Variants in SI observed in about 807,000 individuals in gnomAD.
SI encodes the protein sucrase-isomaltase, also known as sucrase-isomaltase, intestinal.
Under a neutral mutation model 253.3 loss-of-function variants are expected in SI, and 235 were observed. The ratio of observed to expected loss-of-function variants is 0.93; its 90% confidence interval spans 0.83 to 1.03. The LOEUF is 1.03. SI is among the 50% of genes least tolerant of loss of function. The probability of loss-of-function intolerance (pLI) is 0.00; values close to 1 mark genes in which losing one functional copy is unlikely to be tolerated. For synonymous variants in SI, 819 were observed against 712.0 expected (o/e 1.15, Z -2.39); for missense variants, 2,442 against 2,211.1 (o/e 1.10, Z -2.09).
chr3:165,046,074 A>G (rs1713096336), intron 16 of SI, among the ~76,000 whole-genome samples: 1 of 151,698 alleles, frequency 6.6e-6, no homozygotes. Context: ...CAAGTGATCC[A>G]CCTACCTCGG....
intron 17 of SI, 139 bp downstream of exon 17, chr3:165,042,920 G>A: frequency 1.4e-6 from 1 of 694,182 alleles, no homozygotes; most frequent in Non-Finnish European, 2.6e-6. Flanking sequence ...TATAGGACTT[G>A]AGAGAGGGAC....
At chr3:164,982,743 G>C (rs111642831) in intron 46 of SI, among the ~76,000 whole-genome samples, 10 of 151,992 alleles carry the variant, frequency 6.6e-5, no homozygotes, top group Admixed American at 4.6e-4. Flanking sequence ...CTGCCATCTC[G>C]AACTCCTAGA....
chr3:165,082,689 C>T (rs560481802), upstream of SI, among the ~76,000 whole-genome samples: 9 of 152,050 alleles, frequency 5.9e-5, no homozygotes, highest in Non-Finnish European at 8.8e-5. Flanking sequence ...CAGGACAATG[C>T]TTTCCTTGCC....
At chr3:165,027,591 A>G (rs1230685249) in intron 25 of SI, among the ~76,000 whole-genome samples, 1 of 151,448 alleles carries the variant, frequency 6.6e-6, no homozygotes, top group Non-Finnish European at 1.5e-5. Flanking sequence ...ATTCAACAAC[A>G]TATCAAAAAG....
chr3:164,998,528 A>G lies in SI; in HGVS notation c.4540+12T>C. 6.2e-7 allele frequency: 1 copy of G among 1,611,374 alleles called. No individual in the cohort carries two copies. Among genetic ancestry groups the G allele is most frequent in the South Asian group, 1.1e-5 (1 of 91,050 alleles). ...ACACAAAATAATAATAAAGATGGTG[A>G]CTTTCACTTACCAATGATTGATTTG... On this transcript the variant is annotated intron_variant, in intron 38 of 47. Transcript: ENST00000264382.
At chr3:165,090,171 G>C in the SI span, among the ~76,000 whole-genome samples, 1 of 150,754 alleles carries the variant, frequency 6.6e-6, no homozygotes, top group African/African-American at 2.4e-5. Context: ...GAGAGAGAGA[G>C]AGAGAGAGAA....
At chr3:164,988,041 A>G (rs2108118581) in intron 44 of SI, among the ~76,000 whole-genome samples, 1 of 152,334 alleles carries the variant, frequency 6.6e-6, no homozygotes, top group African/African-American at 2.4e-5. Context: ...ATACCTTTCA[A>G]GCATGTTCCT....
chr3:165,003,899 TAAACAAC>T (rs1199887431), intron 37 of SI, among the ~76,000 whole-genome samples: 2 of 151,818 alleles, frequency 1.3e-5, no homozygotes, highest in Admixed American at 1.3e-4. Context: ...AGAAGACCAT[TAAACAAC>T]TAGAAAACAA....
At position 165,074,592 on chromosome 3, in the gene SI, T is replaced by C. The variant is rs2108114443; in HGVS notation, c.194A>G (p.Asn65Ser). The C allele has an allele frequency of 1.2e-6, 2 of 1,610,400 alleles. No homozygotes were observed. Among genetic ancestry groups the C allele is most frequent in the Non-Finnish European group, 1.7e-6 (2 of 1,177,506 alleles). The change falls in exon 3 of 48, where the codon AAT (asparagine) becomes AGT (serine). Residue 65 changes from asparagine to serine, a missense_variant. Coordinates refer to ENST00000264382, the MANE Select transcript of SI (RefSeq NM_001041.4). ...CACATTGACAGGATCATTTAACACATTTGGACATTTTCCTGAATCAGAAGG... is the reference window on the plus strand; with the variant it reads ...CACATTGACAGGATCATTTAACACACTTGGACATTTTCCTGAATCAGAAGG... ...TNPSDSGKCP[N>S]VLNDPVNVRI... is the part of the protein sequence containing the mutation.
rs1712193715 is a variant in SI at position 165,030,866 on chromosome 3, A to G, written c.2738T>C (p.Val913Ala). 2 of 1,384,008 alleles carry G rather than the reference A, an allele frequency of 1.4e-6. No homozygotes were observed. Among genetic ancestry groups the G allele is most frequent in the Non-Finnish European group, 1.9e-6 (2 of 1,029,926 alleles). The allele number at this position is 1,384,008 out of a possible 1,614,324, so 85.7% of individuals were successfully genotyped here. ...SNFTYDASNQVLLIADLKLNL... is the reference protein window; with the variant it reads ...SNFTYDASNQALLIADLKLNL... ...AAGTTTGAGATCTGCAATTAGGAGA[A>G]CCTTTGAAGACAAAAAAAAAAAAAG... The change falls in exon 25 of 48, where the codon GTT becomes GCT. Residue 913 changes from valine (V) to alanine (A), a missense_variant and splice_region_variant. By Grantham distance (64) the Val-to-Ala change is moderately conservative. Transcript: ENST00000264382.
chr3:165,029,632 T>TATG (rs1559997171), intron 25 of SI, among the ~76,000 whole-genome samples: 1 of 91,308 alleles, frequency 1.1e-5, no homozygotes, highest in Non-Finnish European at 2.6e-5. Flanking sequence ...AACATTAGCC[T>TATG]TATATATATA....
rs200395506 is a variant in SI, at chr3:165,015,216, T to A, written c.3906A>T (p.Gly1302=). 9.9e-6 allele frequency: 16 copies of A among 1,612,850 alleles called. No individual in the cohort carries two copies. Among genetic ancestry groups the A allele is most frequent in the Non-Finnish European group, 1.4e-5 (16 of 1,179,064 alleles). Residue 1302 remains glycine (G), a synonymous_variant, in exon 33 of 48, where the codon GGA becomes GGT. Coordinates refer to ENST00000264382, the MANE Select transcript of SI (RefSeq NM_001041.4). ...YIIILDPAIS[G]NETKTYPAFE... is the part of the protein sequence containing the mutation. ...ATGCAGGGTAAGTCTTTGTTTCATT[T>A]CCTGAAATTGCTGGATCCTAAAATT...
At chr3:165,009,486 C>T in intron 34 of SI, 91 bp from the exon 35 acceptor site, 2 of 758,926 alleles carry the variant, frequency 2.6e-6, no homozygotes, top group Non-Finnish European at 4.8e-6. Context: ...ATCCACAAGT[C>T]ATGTATGACT....
At chr3:165,056,979 C>T (rs943595234) in intron 12 of SI, among the ~76,000 whole-genome samples, 9 of 151,928 alleles carry the variant, frequency 5.9e-5, no homozygotes, top group Non-Finnish European at 1.2e-4. Context: ...CCAGAATTCA[C>T]AAAACGAACT....
At position 165,068,732 on chromosome 3, in the gene SI, A is replaced by G. The variant is rs1201136318; in HGVS notation, c.473T>C (p.Phe158Ser). ...CCTTAAAAACCGAACCTTGAACCGG[A>G]AACGATTGGGTGTCTGATTTTGAGT... ...FTTQNQTPNRFRFKITDPNNR... is the reference protein window; with the variant it reads ...FTTQNQTPNRSRFKITDPNNR... Residue 158 changes from phenylalanine to serine, a missense_variant, in exon 5 of 48, where the codon TTC (phenylalanine) becomes TCC (serine). Phe to Ser is a radical substitution (Grantham distance 155). Transcript: ENST00000264382. 1.2e-6 allele frequency: 2 copies of G among 1,612,542 alleles called. No homozygotes were observed. Among genetic ancestry groups the G allele is most frequent in the East Asian group, 2.2e-5 (1 of 44,848 alleles).
intron 6 of SI, among the ~76,000 whole-genome samples, chr3:165,066,765 A>G (rs1714269134): frequency 6.6e-6 from 1 of 151,974 alleles, no homozygotes; most frequent in Non-Finnish European, 1.5e-5. Context: ...GTACTAAGAT[A>G]CATTTAATAA....
In SI at chr3:165,069,206, A is replaced by C. The variant is rs774064699; in HGVS notation, c.256-11T>G. The C allele has an allele frequency of 6.5e-7, 1 of 1,532,924 alleles. No homozygotes were observed. Among genetic ancestry groups the C allele is most frequent in the Non-Finnish European group, 9.0e-7 (1 of 1,106,460 alleles). 95.0% of individuals were successfully genotyped at this position (1,532,924 alleles called of 1,614,324 possible). On this transcript the variant is annotated splice_polypyrimidine_tract_variant and intron_variant, in intron 3 of 47. Coordinates refer to ENST00000264382, the MANE Select transcript of SI (RefSeq NM_001041.4). ...CTGTGCACAAATTCCCTGATAAAAT[A>C]TTTTTAAAGGAATTATATAATTACT... is the stretch of plus-strand genomic sequence containing the variant.
At chr3:165,045,686 A>C (rs1713065296) in intron 16 of SI, among the ~76,000 whole-genome samples, 1 of 151,698 alleles carries the variant, frequency 6.6e-6, no homozygotes, top group Non-Finnish European at 1.5e-5. Context: ...CTTTCTTTTT[A>C]AGTATTTAAA....
At chr3:165,024,277 G>A (rs1008067799) in intron 25 of SI, among the ~76,000 whole-genome samples, 1 of 151,130 alleles carries the variant, frequency 6.6e-6, no homozygotes, top group African/African-American at 2.4e-5. Context: ...TTTGAAATAG[G>A]AACCCTGGCC....
Sources: gnomAD v4.1 joint callset for allele counts (sites outside exome capture counted in the v4.1 genomes callset) on GRCh38, gnomAD v4.1.1 for gene constraint, MANE v1.5 for transcripts, NCBI Gene and HGNC (gene_info 2026-07-23, HGNC 2026-07-21) for gene names.